The following TEX36 variants were observed in gnomAD, a reference collection of about 807,000 sequenced individuals.
The protein encoded by TEX36 is testis-expressed protein 36.
TEX36 carries 12 observed loss-of-function variants against 13.6 expected under a neutral mutation model. The observed-to-expected ratio is 0.88, with a 90% confidence interval of 0.56 to 1.43. The LOEUF (loss-of-function observed/expected upper bound fraction) is 1.43, where lower values mean the gene tolerates loss of function less well. TEX36 is among the 40% of genes most tolerant of loss of function. The pLI is 0.00. For synonymous variants in TEX36, 93 were observed against 83.0 expected, an observed-to-expected ratio of 1.12 and a Z score of -0.65; for missense variants, 224 against 228.3, an observed-to-expected ratio of 0.98 and a Z score of 0.12.
intron 3 of TEX36, among the ~76,000 whole-genome samples, chr10:125,600,898 A>G (rs1004994585): frequency 6.6e-6 from 1 of 152,214 alleles, no homozygotes; most frequent in Non-Finnish European, 1.5e-5. Flanking sequence ...TTCTATCTGG[A>G]TCCTACCTGG....
chr10:125,669,097 C>T (rs1225297114), intron 1 of TEX36, among the ~76,000 whole-genome samples: 3 of 152,132 alleles, frequency 2.0e-5, no homozygotes, highest in Non-Finnish European at 4.4e-5. Flanking sequence ...TCGAGACCAT[C>T]TTGGCCAACA....
intron 1 of TEX36, among the ~76,000 whole-genome samples, chr10:125,664,070 C>T (rs1467764942): frequency 6.6e-6 from 1 of 152,198 alleles, no homozygotes; most frequent in Non-Finnish European, 1.5e-5. Context: ...TCAGCTTCCA[C>T]AAAGGAGTGA....
intron 3 of TEX36, among the ~76,000 whole-genome samples, chr10:125,585,223 CGAG>C (rs952790887): frequency 6.6e-6 from 1 of 152,038 alleles, no homozygotes; most frequent in Non-Finnish European, 1.5e-5. Flanking sequence ...CGAGGGGCTG[CGAG>C]GAGGAGCTAT....
At chr10:125,679,963 T>G (rs965909945) in intron 1 of TEX36, among the ~76,000 whole-genome samples, 1 of 152,208 alleles carries the variant, frequency 6.6e-6, no homozygotes, top group African/African-American at 2.4e-5. Context: ...CAAACACCTA[T>G]GCCTGTGAGA....
intron 3 of TEX36, among the ~76,000 whole-genome samples, chr10:125,602,553 C>T (rs567922500): frequency 3.6e-4 from 55 of 152,300 alleles, no homozygotes; most frequent in Non-Finnish European, 6.5e-4. Flanking sequence ...TCATGCTCCC[C>T]GGCAGCTGTA....
At chr10:125,645,338 G>T (rs1846754580) in intron 3 of TEX36, among the ~76,000 whole-genome samples, 1 of 152,158 alleles carries the variant, frequency 6.6e-6, no homozygotes, top group Non-Finnish European at 1.5e-5. Flanking sequence ...CTTATGAATG[G>T]ATTAATCCAT....
intron 3 of TEX36, among the ~76,000 whole-genome samples, chr10:125,580,367 C>G (rs1845868747): frequency 6.6e-6 from 1 of 152,158 alleles, no homozygotes; most frequent in African/African-American, 2.4e-5. Context: ...TACCCTTTGT[C>G]AAAAGGTTTT....
intron 1 of TEX36, among the ~76,000 whole-genome samples, chr10:125,663,472 A>G (rs1044100106): frequency 2.6e-5 from 4 of 152,234 alleles, no homozygotes; most frequent in Admixed American, 2.0e-4. Context: ...AGAAATCTCC[A>G]TACTATTTTC....
At chr10:125,619,877 A>C (rs2133558952), downstream of TEX36, among the ~76,000 whole-genome samples, 1 of 149,032 alleles carries the variant, frequency 6.7e-6, no homozygotes, top group South Asian at 2.1e-4. Context: ...TTATTTATAA[A>C]TATATATATA....
intron 2 of TEX36, 104 bp from the exon 3 acceptor site, chr10:125,661,205 C>G: frequency 1.1e-6 from 1 of 894,548 alleles, no homozygotes; most frequent in Non-Finnish European, 1.8e-6. Flanking sequence ...GCAAAGCGAC[C>G]TCTAAGAAAG....
chr10:125,631,786 T>C (rs1323804156), intron 3 of TEX36, among the ~76,000 whole-genome samples: 1 of 152,104 alleles, frequency 6.6e-6, no homozygotes, highest in Non-Finnish European at 1.5e-5. Flanking sequence ...CCTGGTGCCC[T>C]GGTTGCTGAC....
At chr10:125,664,983 T>C (rs183859164) in intron 1 of TEX36, among the ~76,000 whole-genome samples, 5 of 152,354 alleles carry the variant, frequency 3.3e-5, no homozygotes, top group African/African-American at 1.2e-4. Context: ...TTGAGCACCT[T>C]TCCATATACC....
intron 1 of TEX36, among the ~76,000 whole-genome samples, chr10:125,679,138 A>ACCCCCCCCCCCCCCCCC (rs752996338): frequency 2.7e-5 from 3 of 111,104 alleles, no homozygotes; most frequent in Admixed American, 1.1e-4. Context: ...CTACAGGAGC[A>ACCCCCCCCCCCCCCCCC]CCCCCCCCGC....
intron 3 of TEX36, among the ~76,000 whole-genome samples, chr10:125,612,851 T>C (rs191831050): frequency 3.9e-4 from 60 of 152,012 alleles, no homozygotes; most frequent in Non-Finnish European, 7.4e-4. Context: ...AGAAAATGGC[T>C]AGATTTCATT....
At chr10:125,581,154 C>T (rs973528117) in intron 3 of TEX36, among the ~76,000 whole-genome samples, 2 of 152,160 alleles carry the variant, frequency 1.3e-5, no homozygotes, top group East Asian at 3.9e-4. Context: ...TTCCTGAGGC[C>T]TTTCTCCACC....
At chr10:125,652,297 C>T (rs867329557), downstream of TEX36, among the ~76,000 whole-genome samples, 30 of 152,110 alleles carry the variant, frequency 2.0e-4, no homozygotes, top group Admixed American at 1.9e-3. Flanking sequence ...AGATATAGAC[C>T]AATGGAACAG....
At chr10:125,662,963 G>T (rs1847070571) in intron 1 of TEX36, among the ~76,000 whole-genome samples, 1 of 152,162 alleles carries the variant, frequency 6.6e-6, no homozygotes, top group Non-Finnish European at 1.5e-5. Flanking sequence ...TCTGAAGCAG[G>T]ACTCTCTAGG....
At chr10:125,641,020 A>T (rs1222330859) in intron 3 of TEX36, among the ~76,000 whole-genome samples, 1 of 149,384 alleles carries the variant, frequency 6.7e-6, no homozygotes, top group Non-Finnish European at 1.5e-5. Flanking sequence ...CTGTAGGTGA[A>T]AAAAAAAATT....
rs780784670 is a variant in TEX36 at position 125,605,671 on chromosome 10, C to T, written c.265-28797G>A. 8.5e-5 allele frequency among the ~76,000 whole-genome samples: 13 copies of T among 152,052 alleles called. No individual in the cohort carries two copies. In the East Asian group the frequency reaches 1.4e-3, roughly 16 times the overall value. On this transcript the variant is annotated intron_variant, in intron 3 of 3. Coordinates refer to the TEX36 transcript ENST00000532135. ...GGCTGGAGCACAGTGGTGCCATCTCCGCTCACTGCAACCTCCACCTTCTGG... is the reference window on the plus strand; with the variant it reads ...GGCTGGAGCACAGTGGTGCCATCTCTGCTCACTGCAACCTCCACCTTCTGG...
Sources: gnomAD v4.1 joint callset for allele counts (sites outside exome capture counted in the v4.1 genomes callset) on GRCh38, gnomAD v4.1.1 for gene constraint, MANE v1.5 for transcripts, NCBI Gene and HGNC (gene_info 2026-07-23, HGNC 2026-07-21) for gene names.